CADPS2: variants seen among roughly 807,000 people sequenced by gnomAD.
CADPS2 encodes the protein calcium-dependent secretion activator 2.
Under a neutral mutation model 172.5 loss-of-function variants are expected in CADPS2, and 93 were observed. The ratio of observed to expected loss-of-function variants is 0.54; its 90% CI spans 0.46 to 0.64. The LOEUF (loss-of-function observed/expected upper bound fraction) is 0.64. CADPS2 is among the 30% of genes least tolerant of loss of function. CADPS2 has a pLI of 0.00. For missense variants in CADPS2, 1,420 were observed against 1,565.9 expected (o/e 0.91, Z 1.57); for synonymous variants, 546 against 555.2 (o/e 0.98, Z 0.23).
intron 1 of CADPS2, among the ~76,000 whole-genome samples, chr7:122,875,923 A>G (rs1257540475): frequency 6.6e-6 from 1 of 152,210 alleles, no homozygotes; most frequent in East Asian, 1.9e-4. Context: ...CCTCTTTAAA[A>G]GCAACAACAA....
chr7:122,886,408 G>A lies in CADPS2; in HGVS notation c.-71C>T, dbSNP rs1056367538. 10 of 1,433,544 alleles carry A rather than the reference G, an allele frequency of 7.0e-6. No homozygotes were observed. The highest frequency in any genetic ancestry group is 9.0e-6 in the Non-Finnish European group (10 of 1,106,882). 88.8% of individuals were successfully genotyped at this position (1,433,544 alleles called of 1,614,324 possible). On this transcript the variant is annotated 5_prime_UTR_variant, in exon 1 of 30. Coordinates refer to ENST00000449022, the MANE Select transcript of CADPS2 (RefSeq NM_017954.11). ...TCACCCCCGGCGGCTGCGCCCGCGG[G>A]TCTGAGGGAGCCGCGGGGCTGGCTG...
At chr7:122,618,382 A>G (rs189484275) in intron 5 of CADPS2, among the ~76,000 whole-genome samples, 410 of 152,114 alleles carry the variant, frequency 2.7e-3, no homozygotes, top group Admixed American at 6.9e-3. Flanking sequence ...ACCTTCCTGC[A>G]ACTTATATTC....
intron 15 of CADPS2, among the ~76,000 whole-genome samples, chr7:122,447,577 A>C (rs2052449349): frequency 1.2e-5 from 1 of 85,656 alleles, no homozygotes; most frequent in South Asian, 3.7e-4. Context: ...TTTTTGAGAC[A>C]CAGTGTCACT....
intron 1 of CADPS2, among the ~76,000 whole-genome samples, chr7:122,842,255 T>C (rs1442134477): frequency 6.6e-6 from 1 of 152,140 alleles, no homozygotes; most frequent in Non-Finnish European, 1.5e-5. Context: ...ACTACAGCCA[T>C]CCACAGGGGA....
At chr7:122,640,530 G>A (rs1276152201) in intron 3 of CADPS2, among the ~76,000 whole-genome samples, 2 of 151,362 alleles carry the variant, frequency 1.3e-5, no homozygotes, top group South Asian at 2.1e-4. Flanking sequence ...AAGAAGGGAA[G>A]GGGAGAAGAA....
chr7:122,696,669 T>C (rs2085155161), intron 2 of CADPS2, among the ~76,000 whole-genome samples: 1 of 152,166 alleles, frequency 6.6e-6, no homozygotes, highest in Admixed American at 6.5e-5. Context: ...TCAAAGCTGC[T>C]CATTAAAATT....
chr7:122,556,325 T>C (rs1480323172), intron 7 of CADPS2, among the ~76,000 whole-genome samples: 1 of 152,126 alleles, frequency 6.6e-6, no homozygotes, highest in Non-Finnish European at 1.5e-5. Context: ...TAGATCTCTA[T>C]ATCCTCTGTA....
chr7:122,395,140 C>T (rs1464206113), intron 20 of CADPS2, among the ~76,000 whole-genome samples: 1 of 152,148 alleles, frequency 6.6e-6, no homozygotes, highest in East Asian at 1.9e-4. Flanking sequence ...TGTTTTAGCT[C>T]TTGTCAAAGT....
intron 3 of CADPS2, among the ~76,000 whole-genome samples, chr7:122,643,635 A>C (rs2077945459): frequency 6.6e-6 from 1 of 152,128 alleles, no homozygotes; most frequent in East Asian, 1.9e-4. Context: ...ATTTCTGCAT[A>C]TGATTCTCAT....
rs753139281 is a variant in CADPS2 at position 122,388,564 on chromosome 7, T to C, written c.3164+19A>G. ...TGGGTGCTGGCACATTAAGCAGCAATTTGAAAATACATGTCTACCTTTTGA... is the reference window on the plus strand; with the variant it reads ...TGGGTGCTGGCACATTAAGCAGCAACTTGAAAATACATGTCTACCTTTTGA... On this transcript the variant is annotated intron_variant, in intron 23 of 29. Transcript: ENST00000449022. 9.0e-6 allele frequency: 14 copies of C among 1,557,276 alleles called. No homozygotes were observed. Among genetic ancestry groups the C allele is most frequent in the Non-Finnish European group, 1.2e-5 (14 of 1,145,404 alleles).
intron 6 of CADPS2, among the ~76,000 whole-genome samples, chr7:122,584,210 C>T (rs1209803340): frequency 6.6e-6 from 1 of 151,782 alleles, no homozygotes; most frequent in Admixed American, 6.6e-5. Flanking sequence ...TATAACTCAC[C>T]TATTAAGCTA....
chr7:122,725,788 T>C (rs1011837286), intron 2 of CADPS2, among the ~76,000 whole-genome samples: 34 of 151,730 alleles, frequency 2.2e-4, no homozygotes, highest in East Asian at 2.0e-4. Context: ...AGAGACACCA[T>C]GGTCTTGCCT....
At position 122,483,909 on chromosome 7, in the gene CADPS2, T is replaced by G. The variant is rs117728490; in HGVS notation, c.1853-3049A>C. On this transcript the variant is annotated intron_variant, in intron 11 of 29. Transcript: ENST00000449022. ...GAAATAAATCTGACAAAAGATGTGC[T>G]AGATCTGTTCACTGAAAACTACAAA... 6.0e-3 allele frequency among the ~76,000 whole-genome samples: 910 copies of G among 152,226 alleles called. 5 individuals are homozygous for G. The highest frequency in any genetic ancestry group is 0.012 in the Non-Finnish European group (788 of 67,974).
intron 3 of CADPS2, among the ~76,000 whole-genome samples, chr7:122,632,257 T>G (rs2076646903): frequency 6.6e-6 from 1 of 152,200 alleles, no homozygotes; most frequent in African/African-American, 2.4e-5. Context: ...TAGTTCTGTT[T>G]TAACTTCTTT....
At chr7:122,846,288 A>G (rs1447533914) in intron 1 of CADPS2, among the ~76,000 whole-genome samples, 2 of 152,242 alleles carry the variant, frequency 1.3e-5, no homozygotes, top group African/African-American at 4.8e-5. Context: ...AAATAGCTGT[A>G]AAGATTGTAC....
intron 7 of CADPS2, among the ~76,000 whole-genome samples, chr7:122,564,235 AC>A (rs1395690280): frequency 6.6e-6 from 1 of 152,154 alleles, no homozygotes. Context: ...AAGTTGGAAT[AC>A]TTATATACTG....
chr7:122,444,168 G>A (rs907328291), intron 15 of CADPS2, among the ~76,000 whole-genome samples: 22 of 152,124 alleles, frequency 1.4e-4, no homozygotes, highest in African/African-American at 5.3e-4. Context: ...CCTTTTTATT[G>A]GTGGGTAGTA....
intron 1 of CADPS2, among the ~76,000 whole-genome samples, chr7:122,775,800 T>C (rs1436522391): frequency 1.3e-5 from 2 of 152,218 alleles, no homozygotes; most frequent in African/African-American, 4.8e-5. Flanking sequence ...CTCTTGAATT[T>C]TGAAAATCTT....
chr7:122,874,570 C>G (rs1428909715), intron 1 of CADPS2, among the ~76,000 whole-genome samples: 2 of 152,158 alleles, frequency 1.3e-5, no homozygotes, highest in African/African-American at 4.8e-5. Context: ...GCTCGTATAG[C>G]CAAGACAACC....
Sources: gnomAD v4.1 joint callset for allele counts (sites outside exome capture counted in the v4.1 genomes callset) on GRCh38, gnomAD v4.1.1 for gene constraint, MANE v1.5 for transcripts, NCBI Gene and HGNC (gene_info 2026-07-23, HGNC 2026-07-21) for gene names.